The following ATAD2 variants were observed in gnomAD, a reference collection of about 807,000 sequenced individuals.
ATAD2 encodes the protein ATPase family AAA domain containing 2.
ATAD2 carries 62 observed loss-of-function variants against 168.9 expected under a neutral mutation model. The observed-to-expected ratio is 0.37, with a 90% CI of 0.30 to 0.45. ATAD2 has a LOEUF of 0.45. Ranked by LOEUF, ATAD2 falls within the 20% of genes least tolerant of loss-of-function variation. The pLI is 1.00. For missense variants in ATAD2, 1,419 were observed against 1,667.8 expected, an observed-to-expected ratio of 0.85 and a Z score of 2.60; for synonymous variants, 613 against 571.6, an observed-to-expected ratio of 1.07 and a Z score of -1.03.
intron 17 of ATAD2, 134 bp from the exon 18 acceptor site, chr8:123,346,406 A>G: frequency 9.8e-7 from 1 of 1,021,834 alleles, no homozygotes; most frequent in East Asian, 2.8e-5. Flanking sequence ...TGGTTCACAT[A>G]GTTTCTGGAA....
At position 123,370,910 on chromosome 8, in the gene ATAD2, G is replaced by T; in HGVS notation, c.720C>A (p.Gly240=). Residue 240 remains glycine, a synonymous_variant, in exon 6 of 28, where the codon GGC becomes GGA. Coordinates refer to ENST00000287394, the MANE Select transcript of ATAD2 (RefSeq NM_014109.4). ...ACAAGAGAAGAGACTAACCCACACT[G>T]CCTTCTTGATTATCAGTTGTTTCTT... ...TDEETTDNQE[G]SVESSEEGED... is the part of the protein sequence containing the mutation. 1 of 1,602,140 alleles carries T rather than the reference G, an allele frequency of 6.2e-7. No individual in the cohort carries two copies. Among genetic ancestry groups the T allele is most frequent in the Non-Finnish European group, 8.5e-7 (1 of 1,173,770 alleles).
intron 1 of ATAD2, among the ~76,000 whole-genome samples, chr8:123,386,605 C>A (rs1829651811): frequency 6.6e-6 from 1 of 151,890 alleles, no homozygotes; most frequent in Admixed American, 6.6e-5. Context: ...GGTTGCAGAA[C>A]AATGTGAATG....
At chr8:123,399,431 A>G (rs981843330), upstream of ATAD2, among the ~76,000 whole-genome samples, 2 of 152,200 alleles carry the variant, frequency 1.3e-5, no homozygotes, top group African/African-American at 4.8e-5. Flanking sequence ...TCTAAGAGGT[A>G]CTCAGTGGAT....
intron 1 of ATAD2, among the ~76,000 whole-genome samples, chr8:123,384,349 C>T (rs1296496054): frequency 6.6e-6 from 1 of 152,030 alleles, no homozygotes; most frequent in Non-Finnish European, 1.5e-5. Context: ...ACAATGCAAC[C>T]GATACACAAA....
chr8:123,401,583 G>A, intron 1 of ATAD2: 2 of 1,361,088 alleles, frequency 1.5e-6, no homozygotes, highest in Non-Finnish European at 2.1e-6. Context: ...GGAAGTGATG[G>A]CATGTGGTTG....
chr8:123,359,194 C>T lies in ATAD2; in HGVS notation c.1382+27G>A, dbSNP rs113575674. On this transcript the variant is annotated intron_variant, in intron 11 of 27. Transcript: ENST00000287394. ...AAGCAAGAATAGCAAAGATTTTCAG[C>T]TAAAATTAAAAATATAATTAAATTA... The T allele has an allele frequency of 4.7e-5, 71 of 1,497,114 alleles. 1 individual carries two copies. The African/African-American group carries it at 7.0e-4, about 15-fold the overall frequency. The allele number at this position is 1,497,114 out of a possible 1,614,324, so 92.7% of individuals were successfully genotyped here. A position where few individuals can be genotyped will look rare whatever the true frequency, so the allele number is the denominator to read the frequency against.
intron 2 of ATAD2, among the ~76,000 whole-genome samples, chr8:123,378,028 C>CCA (rs888444963): frequency 6.6e-6 from 1 of 152,116 alleles, no homozygotes; most frequent in Non-Finnish European, 1.5e-5. Context: ...AGTTAATGGA[C>CCA]CACTACCTTA....
chr8:123,376,109 TA>T (rs1052581568), intron 2 of ATAD2, among the ~76,000 whole-genome samples: 14 of 92,540 alleles, frequency 1.5e-4, no homozygotes, highest in Middle Eastern at 0.012. Flanking sequence ...CGTCTCAAAA[TA>T]AAAAAAAAAA....
intron 8 of ATAD2, among the ~76,000 whole-genome samples, chr8:123,366,423 A>G (rs1284498271): frequency 6.6e-6 from 1 of 152,246 alleles, no homozygotes; most frequent in East Asian, 1.9e-4. Context: ...ATCTACCCAG[A>G]GGAAAATAAC....
intron 19 of ATAD2, chr8:123,344,662 C>G (rs765706805): frequency 2.0e-6 from 1 of 498,924 alleles, no homozygotes; most frequent in Non-Finnish European, 3.5e-6. Context: ...TACCATTTTT[C>G]AAGAGAAAAA....
At chr8:123,341,782 A>G (rs1296067840) in intron 19 of ATAD2, among the ~76,000 whole-genome samples, 1 of 152,230 alleles carries the variant, frequency 6.6e-6, no homozygotes, top group Non-Finnish European at 1.5e-5. Flanking sequence ...CACAAGCAAG[A>G]GCCTGTCCTT....
intron 27 of ATAD2, among the ~76,000 whole-genome samples, chr8:123,322,668 CTAAATAAA>C (rs147786516): frequency 0.056 from 8,439 of 151,798 alleles, 752 homozygotes; most frequent in African/African-American, 0.19. Context: ...GACCCTGTCT[CTAAATAAA>C]TAAATAAATA....
intron 6 of ATAD2, among the ~76,000 whole-genome samples, chr8:123,370,442 C>G (rs1829118053): frequency 6.6e-6 from 1 of 152,030 alleles, no homozygotes; most frequent in Admixed American, 6.6e-5. Flanking sequence ...ACATTTCACC[C>G]AGCCCATCTG....
In ATAD2 at chr8:123,359,081, G is replaced by A. The variant is rs572700302; in HGVS notation, c.1382+140C>T. The A allele has an allele frequency of 5.3e-6, 3 of 565,624 alleles. No homozygotes were observed. The South Asian group carries it at 7.9e-5, about 15-fold the overall frequency. 35.0% of individuals were successfully genotyped at this position (565,624 alleles called of 1,614,324 possible). A position where few individuals can be genotyped will look rare whatever the true frequency, so the allele number is the denominator to read the frequency against. On this transcript the variant is annotated intron_variant, in intron 11 of 27. Coordinates refer to ENST00000287394, the MANE Select transcript of ATAD2 (RefSeq NM_014109.4). ...TTTAAATTACTGCTTCTATAAAGGT[G>A]ATTCAGAGAGAAAAGTTGTATAATG...
intron 8 of ATAD2, among the ~76,000 whole-genome samples, chr8:123,368,697 G>C (rs1829051679): frequency 6.6e-6 from 1 of 152,146 alleles, no homozygotes; most frequent in African/African-American, 2.4e-5. Flanking sequence ...GCAAAGAAAA[G>C]ACTAAACCTA....
chr8:123,344,135 G>T (rs1010829234), intron 19 of ATAD2, among the ~76,000 whole-genome samples: 3 of 152,102 alleles, frequency 2.0e-5, no homozygotes, highest in Admixed American at 1.3e-4. Context: ...GATGCTCACT[G>T]TAAGAGTCCA....
chr8:123,325,091 T>C (rs1013739202), intron 26 of ATAD2, among the ~76,000 whole-genome samples: 1 of 148,126 alleles, frequency 6.8e-6, no homozygotes, highest in Non-Finnish European at 1.5e-5. Context: ...AAAATAATAG[T>C]AATAATTCTT....
intron 22 of ATAD2, among the ~76,000 whole-genome samples, chr8:123,335,161 C>T (rs1827882405): frequency 6.6e-6 from 1 of 152,126 alleles, no homozygotes; most frequent in African/African-American, 2.4e-5. Context: ...ACACCACTAG[C>T]CTGAAGTAAT....
Position 123,346,744 on chromosome 8 carries a change from G to C in ATAD2, c.2219C>G (p.Ser740Cys). 2 of 1,582,520 alleles carry C rather than the reference G, an allele frequency of 1.3e-6. No homozygotes were observed. Among genetic ancestry groups the C allele is most frequent in the Non-Finnish European group, 1.7e-6 (2 of 1,171,270 alleles). Reference sequence around the variant, plus strand: ...CAAGTCACTTTCTAGCAGAGGACAAGAAATATCTATAAAACCAAAAAATTG... The same window carrying C: ...CAAGTCACTTTCTAGCAGAGGACAACAAATATCTATAAAACCAAAAAATTG... ...RTNKTLDSDI[S>C]CPLLESDLAY... The change falls in exon 17 of 28, where the codon TCT becomes TGT. Residue 740 changes from serine to cysteine, a missense_variant. Transcript: ENST00000287394.
Sources: gnomAD v4.1 joint callset for allele counts (sites outside exome capture counted in the v4.1 genomes callset) on GRCh38, gnomAD v4.1.1 for gene constraint, MANE v1.5 for transcripts, NCBI Gene and HGNC (gene_info 2026-07-23, HGNC 2026-07-21) for gene names.